Variants in NPPA observed in about 807,000 individuals in gnomAD.
The protein encoded by NPPA is natriuretic peptides A.
A neutral mutation model predicts 12.2 loss-of-function variants in NPPA; 10 were observed. The observed-to-expected ratio is 0.82, with a 90% CI of 0.50 to 1.38. The LOEUF (loss-of-function observed/expected upper bound fraction) is 1.38, where lower values mean the gene tolerates loss of function less well. Ranked by LOEUF, NPPA falls within the 40% of genes most tolerant of loss-of-function variation. The pLI, the probability that NPPA is intolerant of heterozygous loss-of-function variation, is 0.00. For synonymous variants in NPPA, 85 were observed against 80.2 expected, an observed-to-expected ratio of 1.06 and a Z score of -0.32; for missense variants, 207 against 193.5, an observed-to-expected ratio of 1.07 and a Z score of -0.41.
rs984830140 is a variant in NPPA, at chr1:11,847,414, T to A, written c.149A>T (p.Lys50Met). Residue 50 changes from lysine (K) to methionine (M), a missense_variant, in exon 2 of 3, where the codon AAG (lysine) becomes ATG (methionine). By Grantham distance (95) the Lys-to-Met change is moderately conservative (BLOSUM62 -1). Transcript: ENST00000376480. The part of the protein sequence containing the change: ...FKNLLDHLEE[K>M]MPLEDEVVPP... ...CACGACCTCATCTTCTAAAGGCATC[T>A]TTTCTTCCAAATGGTCCAGCAAATT... The A allele has an allele frequency of 9.9e-6, 16 of 1,613,948 alleles. No individual in the cohort carries two copies. Among genetic ancestry groups the A allele is most frequent in the Non-Finnish European group, 1.3e-5 (15 of 1,180,024 alleles).
Position 11,847,262 on chromosome 1 carries a change from G to C in NPPA, c.301C>G (p.Pro101Ala). ...QRDGGALGRGPWDSSDRSALL... is the reference protein window; with the variant it reads ...QRDGGALGRGAWDSSDRSALL... ...GCAGATCGATCAGAGGAGTCCCAGG[G>C]GCCCCGCCCGAGGGCACCTCCATCT... is the stretch of plus-strand genomic sequence containing the variant. Residue 101 changes from proline to alanine, a missense_variant, in exon 2 of 3, where the codon CCC becomes GCC. By Grantham distance (27) the Pro-to-Ala change is conservative. Coordinates refer to ENST00000376480, the MANE Select transcript of NPPA (RefSeq NM_006172.4). The C allele has an allele frequency of 1.2e-6, 2 of 1,613,648 alleles. No individual in the cohort carries two copies. Among genetic ancestry groups the C allele is most frequent in the Non-Finnish European group, 1.7e-6 (2 of 1,179,692 alleles).
chr1:11,846,068 GTC>G lies in NPPA; in HGVS notation c.451-56_451-55del, dbSNP rs1253893528. ...TTGGTGACCTGGCTGTCCTGGAAAA[GTC>G]AGCTTCATGTATGAGTGTGCCCATC... is the stretch of plus-strand genomic sequence containing the variant. On this transcript the variant is annotated intron_variant, in intron 2 of 2. Transcript: ENST00000376480. The G allele has an allele frequency of 1.2e-5, 19 of 1,602,966 alleles. No homozygotes were observed. In the East Asian group the frequency reaches 4.2e-4, roughly 36 times the overall value.
chr1:11,845,944 G>A lies in NPPA; in HGVS notation c.*65C>T. On this transcript the variant is annotated 3_prime_UTR_variant, in exon 3 of 3. Coordinates refer to ENST00000376480, the MANE Select transcript of NPPA (RefSeq NM_006172.4). ...GACACAAATGCAGCAGAGACCCCAG[G>A]GGACAGGAGCCTCTTGCAGTCTGTC... is the stretch of plus-strand genomic sequence containing the variant. The A allele has an allele frequency of 6.5e-7, 1 of 1,534,586 alleles. No homozygotes were observed. Among genetic ancestry groups the A allele is most frequent in the Non-Finnish European group, 9.0e-7 (1 of 1,107,592 alleles).
chr1:11,846,324 T>TC (rs1394336025), intron 2 of NPPA, among the ~76,000 whole-genome samples: 1 of 149,176 alleles, frequency 6.7e-6, no homozygotes, highest in African/African-American at 2.5e-5. Context: ...GTTGCTTTTT[T>TC]TTTTTTTTTT....
intron 2 of NPPA, among the ~76,000 whole-genome samples, chr1:11,846,243 A>G (rs867852808): frequency 6.6e-6 from 1 of 151,834 alleles, no homozygotes; most frequent in African/African-American, 2.4e-5. Flanking sequence ...GGGGAGGAAT[A>G]TGAACTGCTA....
In NPPA at chr1:11,845,774, T is replaced by G; in HGVS notation, c.*235A>C. 1 of 591,850 alleles carries G rather than the reference T, an allele frequency of 1.7e-6. No homozygotes were observed. Among genetic ancestry groups the G allele is most frequent in the Non-Finnish European group, 3.0e-6 (1 of 328,492 alleles). 36.7% of individuals were successfully genotyped at this position (591,850 alleles called of 1,614,324 possible). A position where few individuals can be genotyped will look rare whatever the true frequency, so the allele number is the denominator to read the frequency against. The stretch of plus-strand genomic sequence containing the variant: ...AACCACTTTCAGTAACAGGTGAGGT[T>G]CTACCTTAAAATTTAATGCATGGGG... On this transcript the variant is annotated 3_prime_UTR_variant, in exon 3 of 3. Coordinates refer to ENST00000376480, the MANE Select transcript of NPPA (RefSeq NM_006172.4).
chr1:11,845,776 T>C lies in NPPA; in HGVS notation c.*233A>G. ...CCACTTTCAGTAACAGGTGAGGTTC[T>C]ACCTTAAAATTTAATGCATGGGGTG... On this transcript the variant is annotated 3_prime_UTR_variant, in exon 3 of 3. Coordinates refer to ENST00000376480, the MANE Select transcript of NPPA (RefSeq NM_006172.4). 1.7e-6 allele frequency: 1 copy of C among 593,236 alleles called. No homozygotes were observed. The highest frequency in any genetic ancestry group is 2.0e-5 in the South Asian group (1 of 49,302). 36.7% of individuals were successfully genotyped at this position (593,236 alleles called of 1,614,324 possible). A position where few individuals can be genotyped will look rare whatever the true frequency, so the allele number is the denominator to read the frequency against.
At position 11,846,021 on chromosome 1, in the gene NPPA, A is replaced by G. The variant is rs747078401; in HGVS notation, c.451-7T>C. The G allele has an allele frequency of 3.1e-6, 5 of 1,614,048 alleles. No individual in the cohort carries two copies. Among genetic ancestry groups the G allele is most frequent in the Non-Finnish European group, 4.2e-6 (5 of 1,179,946 alleles). ...CTGGCTGTTATCTTCAGTACTGCAAAGAGAACACAGACATATCTGGCTTGG... is the reference window on the plus strand; with the variant it reads ...CTGGCTGTTATCTTCAGTACTGCAAGGAGAACACAGACATATCTGGCTTGG... On this transcript the variant is annotated splice_region_variant and splice_polypyrimidine_tract_variant and intron_variant, in intron 2 of 2. Coordinates refer to ENST00000376480, the MANE Select transcript of NPPA (RefSeq NM_006172.4).
intron 2 of NPPA, among the ~76,000 whole-genome samples, 192 bp downstream of exon 2, chr1:11,846,921 C>CCCT (rs761954482): frequency 2.2e-3 from 279 of 125,542 alleles, no homozygotes; most frequent in Non-Finnish European, 3.1e-3. Context: ...GCCCCCCCCC[C>CCCT]TTTTTTTTTT....
In NPPA at chr1:11,847,384, G is replaced by A. The variant is rs779265393; in HGVS notation, c.179C>T (p.Pro60Leu). The A allele has an allele frequency of 9.9e-6, 16 of 1,613,904 alleles. No individual in the cohort carries two copies. The change falls in exon 2 of 3, where the codon CCA becomes CTA. Residue 60 changes from proline (P) to leucine (L), a missense_variant. Physicochemically the swap from Pro to Leu is moderately conservative, Grantham distance 98. Transcript: ENST00000376480. ...KMPLEDEVVP[P>L]QVLSEPNEEA... The stretch of plus-strand genomic sequence containing the variant: ...TTCATTCGGCTCACTGAGCACTTGT[G>A]GGGGCACGACCTCATCTTCTAAAGG...
intron 2 of NPPA, among the ~76,000 whole-genome samples, chr1:11,846,318 CT>C (rs71568361): frequency 6.3e-4 from 76 of 121,330 alleles, no homozygotes; most frequent in East Asian, 1.7e-3. Context: ...GTGGCAGTTG[CT>C]TTTTTTTTTT....
intron 2 of NPPA, 91 bp downstream of exon 2, chr1:11,847,022 G>T: frequency 1.6e-6 from 2 of 1,232,534 alleles, no homozygotes; most frequent in Non-Finnish European, 2.2e-6. Flanking sequence ...AAACTTGAGA[G>T]GGAATGAGCT....
chr1:11,847,450 G>T lies in NPPA; in HGVS notation c.124-11C>A. On this transcript the variant is annotated splice_polypyrimidine_tract_variant and intron_variant, in intron 1 of 2. Transcript: ENST00000376480. ...ATGGTCCAGCAAATTCTTTAGAAAA[G>T]GAAAATACAGGGAAAGGGATAAACC... 3.1e-6 allele frequency: 5 copies of T among 1,614,050 alleles called. No homozygotes were observed. Among genetic ancestry groups the T allele is most frequent in the Non-Finnish European group, 4.2e-6 (5 of 1,179,990 alleles).
At chr1:11,846,153 C>T in intron 2 of NPPA, 139 bp from the exon 3 acceptor site, 1 of 822,706 alleles carries the variant, frequency 1.2e-6, no homozygotes, top group Non-Finnish European at 2.2e-6. Context: ...AGCCTGATGA[C>T]CCTCTGAGCT....
At position 11,847,421 on chromosome 1, in the gene NPPA, C is replaced by T; in HGVS notation, c.142G>A (p.Glu48Lys). The change falls in exon 2 of 3, where the codon GAA becomes AAA. Residue 48 changes from glutamate (E) to lysine (K), a missense_variant. Physicochemically the swap from Glu to Lys is moderately conservative, Grantham distance 56. Transcript: ENST00000376480. ...TCATCTTCTAAAGGCATCTTTTCTT[C>T]CAAATGGTCCAGCAAATTCTTTAGA... ...MDFKNLLDHL[E>K]EKMPLEDEVV... 1 of 1,614,060 alleles carries T rather than the reference C, an allele frequency of 6.2e-7. No individual in the cohort carries two copies. Among genetic ancestry groups the T allele is most frequent in the East Asian group, 2.2e-5 (1 of 44,884 alleles).
chr1:11,846,041 G>T (rs748874483), intron 2 of NPPA, 27 bp from the exon 3 acceptor site: 202 of 1,613,670 alleles, frequency 1.3e-4, no homozygotes, highest in Non-Finnish European at 1.5e-4. Flanking sequence ...GACATATCTG[G>T]CTTGGTGACC....
At chr1:11,846,098 C>G (rs372433733) in intron 2 of NPPA, 84 bp from the exon 3 acceptor site, 15 of 1,415,724 alleles carry the variant, frequency 1.1e-5, no homozygotes, top group Non-Finnish European at 1.5e-5. Context: ...TGCCCATCCT[C>G]TGAACTTGAT....
chr1:11,847,042 G>T (rs1645073592), intron 2 of NPPA, 71 bp downstream of exon 2: 4 of 1,399,114 alleles, frequency 2.9e-6, no homozygotes, highest in African/African-American at 2.9e-5. Flanking sequence ...TTCTGCATTG[G>T]TCCCTTTCCT....
rs1329132024 is a variant in NPPA, at chr1:11,847,274, G to A, written c.289C>T (p.Leu97Phe). 5 of 1,613,548 alleles carry A rather than the reference G, an allele frequency of 3.1e-6. No homozygotes were observed. The African/African-American group carries it at 6.7e-5, about 22-fold the overall frequency. ...GAGGAGTCCCAGGGGCCCCGCCCGA[G>A]GGCACCTCCATCTCTCTGGGCTGGG... Reference protein sequence around the residue: ...VSPAQRDGGALGRGPWDSSDR... With the variant: ...VSPAQRDGGAFGRGPWDSSDR... Residue 97 changes from leucine (L) to phenylalanine (F), a missense_variant, in exon 2 of 3, where the codon CTC becomes TTC. Physicochemically the swap from Leu to Phe is conservative, Grantham distance 22. Coordinates refer to ENST00000376480, the MANE Select transcript of NPPA (RefSeq NM_006172.4).
Sources: allele counts gnomAD v4.1 joint callset (sites outside exome capture counted in the v4.1 genomes callset), GRCh38; gene constraint gnomAD v4.1.1; transcripts MANE v1.5; gene names NCBI Gene and HGNC (gene_info 2026-07-23, HGNC 2026-07-21).